FER1L6: variants seen among roughly 807,000 people sequenced by gnomAD.
FER1L6 encodes the protein fer-1 like family member 6.
FER1L6 carries 177 observed loss-of-function variants against 219.2 expected under a neutral mutation model. The observed-to-expected ratio is 0.81, with a 90% CI of 0.71 to 0.91. The LOEUF (loss-of-function observed/expected upper bound fraction) is 0.91, where lower values mean the gene tolerates loss of function less well. Among genes scored for constraint, FER1L6 ranks in the 40% least tolerant of loss-of-function variants. The pLI, the probability that FER1L6 is intolerant of heterozygous loss-of-function variation, is 0.00. For synonymous variants in FER1L6, 768 were observed against 824.3 expected, an observed-to-expected ratio of 0.93 and a Z score of 1.17; for missense variants, 2,153 against 2,259.9, an observed-to-expected ratio of 0.95 and a Z score of 0.96.
rs1408171742 is a variant in FER1L6, at chr8:124,091,407, TCCCTCCACTTTTC to T, written c.4392-15_4392-3del. 4 of 1,610,850 alleles carry T rather than the reference TCCCTCCACTTTTC, an allele frequency of 2.5e-6. No individual in the cohort carries two copies. The highest frequency in any genetic ancestry group is 3.4e-6 in the Non-Finnish European group (4 of 1,177,626). On this transcript the variant is annotated splice_region_variant and splice_polypyrimidine_tract_variant and intron_variant, in intron 33 of 40. Transcript: ENST00000522917. ...TAAGTGAGGACCTCAAAGTGTGTTC[TCCCTCCACTTTTC>T]AGAGAAGGATACAATGCCTGGAGAG...
At position 123,980,623 on chromosome 8, in the gene FER1L6, G is replaced by A; in HGVS notation, c.1222G>A (p.Gly408Arg). ...LVEIAVEILS[G>R]RAQESKFSKA... ...AGAAATTGCTGTGGAAATCCTCTCA[G>A]GACGGGCACAGGAATCTAAATTTTC... Residue 408 changes from glycine (G) to arginine (R), a missense_variant, in exon 11 of 41, where the codon GGA (glycine) becomes AGA (arginine). Coordinates refer to ENST00000522917, the MANE Select transcript of FER1L6 (RefSeq NM_001039112.2). The A allele has an allele frequency of 6.2e-7, 1 of 1,614,136 alleles. No individual in the cohort carries two copies. The highest frequency in any genetic ancestry group is 1.1e-5 in the South Asian group (1 of 91,082).
intron 1 of FER1L6, among the ~76,000 whole-genome samples, chr8:123,912,545 T>A (rs1196413423): frequency 1.6e-5 from 1 of 62,444 alleles, no homozygotes; most frequent in Non-Finnish European, 2.8e-5. Context: ...AGCATTGAGG[T>A]TTTTTTGGCA....
At chr8:124,026,975 T>C (rs990498136) in intron 18 of FER1L6, among the ~76,000 whole-genome samples, 4 of 152,174 alleles carry the variant, frequency 2.6e-5, no homozygotes, top group African/African-American at 9.7e-5. Flanking sequence ...GGGAAGAGCA[T>C]GTTCCAGGCC....
In FER1L6 at chr8:123,966,189, C is replaced by G. The variant is rs758308117; in HGVS notation, c.283C>G (p.Leu95Val). Residue 95 changes from leucine to valine, a missense_variant, in exon 5 of 41, where the codon CTG (leucine) becomes GTG (valine). Coordinates refer to ENST00000522917, the MANE Select transcript of FER1L6 (RefSeq NM_001039112.2). ...CATAACCATCACCGAGGCTCGCCAGCTGGTGGGTGAGAACATTGACCCAGT... is the reference window on the plus strand; with the variant it reads ...CATAACCATCACCGAGGCTCGCCAGGTGGTGGGTGAGAACATTGACCCAGT... ...IAITITEARQLVGENIDPVVT... is the reference protein window; with the variant it reads ...IAITITEARQVVGENIDPVVT... 1.9e-6 allele frequency: 3 copies of G among 1,613,946 alleles called. No individual in the cohort carries two copies. The highest frequency in any genetic ancestry group is 1.7e-5 in the Admixed American group (1 of 60,002).
chr8:124,082,560 A>G, intron 33 of FER1L6, 102 bp downstream of exon 33: 1 of 1,102,556 alleles, frequency 9.1e-7, no homozygotes, highest in Non-Finnish European at 1.3e-6. Flanking sequence ...GGAAGGCCAG[A>G]CCAGGCTCAG....
chr8:123,982,410 C>A (rs529632226), intron 11 of FER1L6, among the ~76,000 whole-genome samples: 1 of 152,258 alleles, frequency 6.6e-6, no homozygotes, highest in Admixed American at 6.5e-5. Context: ...AAGTTGGGAA[C>A]TTATGTGGGG....
In FER1L6 at chr8:123,852,463, T is replaced by C. The variant is rs1170357428; in HGVS notation, c.-8+278T>C. On this transcript the variant is annotated intron_variant, in intron 1 of 40. Coordinates refer to ENST00000522917, the MANE Select transcript of FER1L6 (RefSeq NM_001039112.2). This position sits in a 1 kb window ranked among gnomAD's most constrained non-coding sequence, Gnocchi z 4.9. ...ACCTTGTTGCTTGAACTCCATGTTGTGAGCATGCGTGTGTGTGTGTGTGTG... is the reference window on the plus strand; with the variant it reads ...ACCTTGTTGCTTGAACTCCATGTTGCGAGCATGCGTGTGTGTGTGTGTGTG... Among the ~76,000 whole-genome samples, 1 of 135,458 alleles carries C rather than the reference T, an allele frequency of 7.4e-6. No homozygotes were observed. Among genetic ancestry groups the C allele is most frequent in the African/African-American group, 2.9e-5 (1 of 34,748 alleles). 88.9% of individuals were successfully genotyped at this position (135,458 alleles called of 152,430 possible). A position where few individuals can be genotyped will look rare whatever the true frequency, so the allele number is the denominator to read the frequency against.
rs751620676 is a variant in FER1L6, at chr8:124,061,936, G to A, written c.3232G>A (p.Gly1078Ser). The stretch of plus-strand genomic sequence containing the variant: ...AGCTTTTGGGAGGAGTACCCTTGTG[G>A]GCACCTACACCATCAACTACTTGAA... ...WRAFGRSTLV[G>S]TYTINYLKQF... The change falls in exon 25 of 41, where the codon GGC becomes AGC. Residue 1078 changes from glycine to serine, a missense_variant. Gly to Ser is a moderately conservative substitution (Grantham distance 56, BLOSUM62 0). Coordinates refer to ENST00000522917, the MANE Select transcript of FER1L6 (RefSeq NM_001039112.2). The A allele has an allele frequency of 6.2e-7, 1 of 1,614,142 alleles. No individual in the cohort carries two copies. The highest frequency in any genetic ancestry group is 1.7e-5 in the Admixed American group (1 of 60,022).
intron 11 of FER1L6, among the ~76,000 whole-genome samples, chr8:123,982,633 A>G (rs903157476): frequency 2.0e-5 from 3 of 152,224 alleles, no homozygotes; most frequent in Non-Finnish European, 4.4e-5. Context: ...TTAAAACAAC[A>G]AACATTTATT....
intron 1 of FER1L6, among the ~76,000 whole-genome samples, chr8:123,886,880 A>G (rs1489782493): frequency 6.6e-6 from 1 of 152,228 alleles, no homozygotes; most frequent in Non-Finnish European, 1.5e-5. Flanking sequence ...TACCAGTGTC[A>G]GGTATTTATG....
intron 1 of FER1L6, among the ~76,000 whole-genome samples, chr8:123,856,316 G>GTGTGTGTGTGTGTATATATATATATATA (rs71576706): frequency 6.7e-5 from 3 of 45,110 alleles, no homozygotes; most frequent in African/African-American, 2.6e-4. Context: ...ATATGTATGT[G>GTGTGTGTGTGTGTATATATATATATATA]TATATATATA....
chr8:124,099,281 G>A (rs1449784289), intron 37 of FER1L6, among the ~76,000 whole-genome samples: 2 of 152,152 alleles, frequency 1.3e-5, no homozygotes, highest in Non-Finnish European at 2.9e-5. Flanking sequence ...TGTTCCCGAT[G>A]TGTAGATTCC....
rs1563774139 is a variant in FER1L6 at position 124,061,966 on chromosome 8, T to C, written c.3262T>C (p.Phe1088Leu). The C allele has an allele frequency of 1.2e-6, 2 of 1,614,102 alleles. No individual in the cohort carries two copies. The highest frequency in any genetic ancestry group is 1.7e-6 in the Non-Finnish European group (2 of 1,179,986). ...CTACACCATCAACTACTTGAAGCAGTTTTTGTGTAAACTCAGAGAGCCCCT... is the reference window on the plus strand; with the variant it reads ...CTACACCATCAACTACTTGAAGCAGCTTTTGTGTAAACTCAGAGAGCCCCT... ...GTYTINYLKQFLCKLREPLAP... is the reference protein window; with the variant it reads ...GTYTINYLKQLLCKLREPLAP... The change falls in exon 25 of 41, where the codon TTT (phenylalanine) becomes CTT (leucine). Residue 1088 changes from phenylalanine (F) to leucine (L), a missense_variant. Coordinates refer to ENST00000522917, the MANE Select transcript of FER1L6 (RefSeq NM_001039112.2).
chr8:124,012,674 G>A (rs935375258), intron 14 of FER1L6, among the ~76,000 whole-genome samples: 1 of 152,176 alleles, frequency 6.6e-6, no homozygotes, highest in Non-Finnish European at 1.5e-5. Flanking sequence ...TTGAACCAAG[G>A]CAATCTGACT....
intron 1 of FER1L6, among the ~76,000 whole-genome samples, chr8:123,948,779 C>CTT (rs71576718): frequency 2.3e-4 from 33 of 143,602 alleles, no homozygotes; most frequent in East Asian, 1.0e-3. Context: ...GGCATCTTGT[C>CTT]TTTTTTTTTT....
At chr8:123,902,853 T>G (rs1252662871) in intron 1 of FER1L6, among the ~76,000 whole-genome samples, 1 of 152,220 alleles carries the variant, frequency 6.6e-6, no homozygotes, top group Non-Finnish European at 1.5e-5. Flanking sequence ...TTTTTGTTGT[T>G]GTTGTTGTTT....
chr8:124,026,649 A>T (rs6981778), intron 18 of FER1L6, among the ~76,000 whole-genome samples: 4 of 151,816 alleles, frequency 2.6e-5, no homozygotes, highest in East Asian at 3.9e-4. Flanking sequence ...ACATGGCAGC[A>T]GGTAGCTAAA....
rs994690186 is a variant in FER1L6, at chr8:123,974,659, C to CAAAA, written c.527-471_527-468dup. Among the ~76,000 whole-genome samples the CAAAA allele has an allele frequency of 6.1e-3, 290 of 47,692 alleles. 15 individuals are homozygous for CAAAA. Among genetic ancestry groups the CAAAA allele is most frequent in the African/African-American group, 0.014 (211 of 15,182 alleles). The allele number at this position is 47,692 out of a possible 152,430, so 31.3% of individuals were successfully genotyped here. Reference sequence around the variant, plus strand: ...CAGGCATCACAGCGAGACTCTGTCTCAAAAAAAAAAAAAAAAAAAAAAAGA... The same window carrying CAAAA: ...CAGGCATCACAGCGAGACTCTGTCTCAAAAAAAAAAAAAAAAAAAAAAAAAAAGA... On this transcript the variant is annotated intron_variant, in intron 7 of 40. Transcript: ENST00000522917.
chr8:124,080,641 C>A (rs1261126231), intron 32 of FER1L6, among the ~76,000 whole-genome samples: 2 of 152,108 alleles, frequency 1.3e-5, no homozygotes, highest in East Asian at 3.9e-4. Context: ...CTTTTATTGA[C>A]AGCTCCATTT....
Sources: allele counts gnomAD v4.1 joint callset (sites outside exome capture counted in the v4.1 genomes callset), GRCh38; gene constraint gnomAD v4.1.1; non-coding constraint Gnocchi (gnomAD v3.1); transcripts MANE v1.5; gene names NCBI Gene and HGNC (gene_info 2026-07-23, HGNC 2026-07-21).